NRXN3: variants seen among roughly 807,000 people sequenced by gnomAD.
The protein encoded by NRXN3 is neurexin 3, also known as neurexin III.
A neutral mutation model predicts 137.6 loss-of-function variants in NRXN3; 32 were observed. The observed-to-expected ratio is 0.23, with a 90% CI of 0.18 to 0.31. The LOEUF is 0.31. Among genes scored for constraint, NRXN3 ranks in the 10% least tolerant of loss-of-function variants. The pLI is 1.00. For missense variants in NRXN3, 1,574 were observed against 2,062.5 expected, an observed-to-expected ratio of 0.76 and a Z score of 4.59; for synonymous variants, 798 against 784.5, an observed-to-expected ratio of 1.02 and a Z score of -0.29.
At chr14:78,568,797 C>T (rs10141923) in intron 4 of NRXN3, among the ~76,000 whole-genome samples, 8,267 of 152,112 alleles carry the variant, frequency 0.054, 356 homozygotes, top group African/African-American at 0.13. Flanking sequence ...CCAGGGAAAA[C>T]ATACCACAAC....
chr14:78,623,710 G>C (rs1366917591), intron 4 of NRXN3, among the ~76,000 whole-genome samples: 3 of 152,178 alleles, frequency 2.0e-5, no homozygotes, highest in Non-Finnish European at 4.4e-5. Context: ...GGTATTTATA[G>C]GCACACACCA....
rs188843314 is a variant in NRXN3, at chr14:78,529,176, T to C, written c.758-115944T>C. Among the ~76,000 whole-genome samples the C allele has an allele frequency of 2.0e-5, 3 of 152,292 alleles. No individual in the cohort carries two copies. In the East Asian group the frequency reaches 5.8e-4, roughly 29 times the overall value. ...GGAAAAAAGTGTAGCGTCCTTAAAC[T>C]GTACAAGTCAGTTTAGCACCAAATC... On this transcript the variant is annotated intron_variant, in intron 4 of 20. Transcript: ENST00000335750.
chr14:79,606,056 C>T (rs2098010360), intron 16 of NRXN3, among the ~76,000 whole-genome samples: 3 of 152,128 alleles, frequency 2.0e-5, no homozygotes, highest in African/African-American at 7.2e-5. Flanking sequence ...CTGGAATTAG[C>T]TAATGAGGCT....
chr14:79,546,110 G>C (rs1031978083), intron 16 of NRXN3, among the ~76,000 whole-genome samples: 1 of 152,076 alleles, frequency 6.6e-6, no homozygotes. Context: ...TGATTGTGAG[G>C]CCTCCCCAGC....
At chr14:79,250,203 A>G (rs1417539706) in intron 15 of NRXN3, among the ~76,000 whole-genome samples, 1 of 152,206 alleles carries the variant, frequency 6.6e-6, no homozygotes, top group Admixed American at 6.5e-5. Flanking sequence ...AAAAGTCAGA[A>G]CTAAGTAAAT....
intron 16 of NRXN3, among the ~76,000 whole-genome samples, chr14:79,557,576 A>G (rs767902233): frequency 2.8e-4 from 43 of 152,164 alleles, no homozygotes; most frequent in Non-Finnish European, 5.4e-4. Context: ...TTGACATTCT[A>G]CTGTAGTCTA....
intron 1 of NRXN3, among the ~76,000 whole-genome samples, chr14:78,173,168 G>C (rs564732525): frequency 6.6e-6 from 1 of 151,956 alleles, no homozygotes; most frequent in South Asian, 2.1e-4. Context: ...ACGGGGATGT[G>C]GGGGGAGACG....
At chr14:79,849,426 G>A (rs775351965) in intron 20 of NRXN3, among the ~76,000 whole-genome samples, 9 of 151,926 alleles carry the variant, frequency 5.9e-5, no homozygotes, top group African/African-American at 1.9e-4. Flanking sequence ...CTTATAACCC[G>A]ATTTTAAAAA....
chr14:79,527,718 C>T (rs575431281), intron 16 of NRXN3, among the ~76,000 whole-genome samples: 15 of 151,588 alleles, frequency 9.9e-5, no homozygotes, highest in Non-Finnish European at 1.9e-4. Context: ...ACTAAAAATA[C>T]AAAAATTAGC....
At chr14:79,329,152 A>C (rs2091320987) in intron 15 of NRXN3, among the ~76,000 whole-genome samples, 1 of 152,188 alleles carries the variant, frequency 6.6e-6, no homozygotes, top group African/African-American at 2.4e-5. Context: ...TACTCAGAGT[A>C]GATGTGAGAG....
At chr14:79,350,503 C>A (rs1319886334) in intron 15 of NRXN3, among the ~76,000 whole-genome samples, 3 of 152,154 alleles carry the variant, frequency 2.0e-5, no homozygotes, top group African/African-American at 7.2e-5. Context: ...TCAGGCTTAT[C>A]ATTTTATATT....
At chr14:79,190,323 G>T (rs894761223) in intron 15 of NRXN3, among the ~76,000 whole-genome samples, 24 of 151,752 alleles carry the variant, frequency 1.6e-4, no homozygotes, top group African/African-American at 5.6e-4. Flanking sequence ...TTCCCTCTCT[G>T]TATCTATATC....
intron 15 of NRXN3, among the ~76,000 whole-genome samples, chr14:79,210,516 T>C (rs1343373364): frequency 2.0e-5 from 3 of 152,180 alleles, no homozygotes; most frequent in Non-Finnish European, 4.4e-5. Context: ...ATATCTAATT[T>C]GAACTGCTGA....
At chr14:79,654,507 C>T (rs969070236) in intron 16 of NRXN3, among the ~76,000 whole-genome samples, 55 of 152,240 alleles carry the variant, frequency 3.6e-4, no homozygotes, top group African/African-American at 1.3e-3. Flanking sequence ...GATAATAATA[C>T]ATCAATGAAT....
At chr14:79,618,659 A>G (rs2098188798) in intron 16 of NRXN3, among the ~76,000 whole-genome samples, 2 of 152,132 alleles carry the variant, frequency 1.3e-5, no homozygotes, top group South Asian at 4.1e-4. Context: ...CAGTGAACAT[A>G]CAAGTGCATG....
At position 79,666,131 on chromosome 14, in the gene NRXN3, C is replaced by T. The variant is rs187000076; in HGVS notation, c.3616+2182C>T. On this transcript the variant is annotated intron_variant, in intron 17 of 20. Transcript: ENST00000335750. ...AACCATAAAATAAGTGTAAGAATTT[C>T]TAAGAGTTTTTATTTTTCTCCTCTG... Among the ~76,000 whole-genome samples the T allele has an allele frequency of 1.1e-3, 170 of 152,202 alleles. 1 individual carries two copies. Among genetic ancestry groups the T allele is most frequent in the Admixed American group, 4.3e-3 (65 of 15,262 alleles).
chr14:78,593,013 C>T (rs771832439), intron 4 of NRXN3, among the ~76,000 whole-genome samples: 5 of 152,172 alleles, frequency 3.3e-5, no homozygotes, highest in Non-Finnish European at 5.9e-5. Flanking sequence ...CGCACAGGCA[C>T]TGAATGGAGG....
intron 15 of NRXN3, among the ~76,000 whole-genome samples, chr14:78,992,058 CA>C (rs1341594394): frequency 2.0e-5 from 3 of 152,144 alleles, no homozygotes; most frequent in Non-Finnish European, 4.4e-5. Context: ...GGTTAGGAAA[CA>C]AAAATCCTCT....
intron 3 of NRXN3, among the ~76,000 whole-genome samples, chr14:78,281,245 C>T (rs1478157372): frequency 6.6e-6 from 1 of 152,204 alleles, no homozygotes; most frequent in Non-Finnish European, 1.5e-5. Flanking sequence ...CCTTGCCAGG[C>T]ATTCTGGAGC....
Sources: allele counts gnomAD v4.1 joint callset (sites outside exome capture counted in the v4.1 genomes callset), GRCh38; gene constraint gnomAD v4.1.1; transcripts MANE v1.5; gene names NCBI Gene and HGNC (gene_info 2026-07-23, HGNC 2026-07-21).